TTC27: variants seen among roughly 807,000 people sequenced by gnomAD.
TTC27 encodes tetratricopeptide repeat domain 27, also known as tetratricopeptide repeat protein 27.
A neutral mutation model predicts 115.9 loss-of-function variants in TTC27; 79 were observed. That is an observed-to-expected ratio of 0.68 (90% CI 0.57 to 0.82). The LOEUF (loss-of-function observed/expected upper bound fraction) is 0.82, where lower values mean the gene tolerates loss of function less well. Among genes scored for constraint, TTC27 ranks in the 40% least tolerant of loss-of-function variants. The pLI is 0.00. For synonymous variants in TTC27, 401 were observed against 356.0 expected (o/e 1.13, Z -1.42); for missense variants, 1,054 against 993.1 (o/e 1.06, Z -0.82).
intron 18 of TTC27, among the ~76,000 whole-genome samples, chr2:32,814,485 C>A (rs1037627): frequency 0.64 from 96,855 of 152,024 alleles, 31,513 homozygotes; most frequent in African/African-American, 0.76. Flanking sequence ...ACTTTTGTAC[C>A]TTAGTGCAGA....
rs10710939 is a variant in TTC27 at position 32,678,253 on chromosome 2, C to CAA, written c.1053-584_1053-583dup. Among the ~76,000 whole-genome samples, 791 of 99,072 alleles carry CAA rather than the reference C, an allele frequency of 8.0e-3. 11 individuals carry two copies. Among genetic ancestry groups the CAA allele is most frequent in the African/African-American group, 0.029 (755 of 25,678 alleles). The allele number at this position is 99,072 out of a possible 152,430, so 65.0% of individuals were successfully genotyped here. A position where few individuals can be genotyped will look rare whatever the true frequency, so the allele number is the denominator to read the frequency against. On this transcript the variant is annotated intron_variant, in intron 8 of 19. Coordinates refer to ENST00000317907, the MANE Select transcript of TTC27 (RefSeq NM_017735.5). ...CTGGGTGACACAGTGAGCCCTGTCT[C>CAA]AAAAAAAAAAAAAAAAAAAAGATAA...
chr2:32,812,715 T>A lies in TTC27; in HGVS notation c.2308+100T>A, dbSNP rs1671358931. On this transcript the variant is annotated intron_variant, in intron 18 of 19. Transcript: ENST00000317907. ...AAGTAAAGTTCCATTATAAATAGTA[T>A]CAAATTATTTCATTATATTGACATT... 3.7e-6 allele frequency: 3 copies of A among 811,812 alleles called. No homozygotes were observed. The South Asian group carries it at 5.0e-5, about 14-fold the overall frequency. 50.3% of individuals were successfully genotyped at this position (811,812 alleles called of 1,614,324 possible).
intron 10 of TTC27, among the ~76,000 whole-genome samples, chr2:32,733,620 T>C (rs1257428853): frequency 6.6e-6 from 1 of 152,248 alleles, no homozygotes; most frequent in Non-Finnish European, 1.5e-5. Flanking sequence ...AAGTTTTTAA[T>C]GTACATGTTT....
At position 32,742,101 on chromosome 2, in the gene TTC27, A is replaced by G. The variant is rs184322369; in HGVS notation, c.1452+5285A>G. 1.3e-5 allele frequency among the ~76,000 whole-genome samples: 2 copies of G among 152,334 alleles called. 1 individual carries two copies. The highest frequency in any genetic ancestry group is 1.3e-4 in the Admixed American group (2 of 15,296). ...ATATGCTATTCATAACAACCCACAA[A>G]ATATGGATTGTTTTCATCACTTTAC... On this transcript the variant is annotated intron_variant, in intron 12 of 19. Transcript: ENST00000317907.
intron 5 of TTC27, among the ~76,000 whole-genome samples, 162 bp downstream of exon 5, chr2:32,650,395 G>A (rs192536500): frequency 7.5e-4 from 75 of 99,768 alleles, no homozygotes; most frequent in Non-Finnish European, 1.3e-3. Flanking sequence ...ATCACAAGTT[G>A]TTATGTTGTC....
chr2:32,736,602 C>A, intron 11 of TTC27, 92 bp from the exon 12 acceptor site: 1 of 1,390,066 alleles, frequency 7.2e-7, no homozygotes, highest in Middle Eastern at 2.0e-4. Context: ...ATAAGCAGAC[C>A]CCTAAAAAGG....
At chr2:32,759,681 T>C (rs975628916) in intron 13 of TTC27, among the ~76,000 whole-genome samples, 4 of 152,212 alleles carry the variant, frequency 2.6e-5, no homozygotes, top group African/African-American at 7.2e-5. Context: ...AACTTTTTCA[T>C]CCTGTAAAAC....
At chr2:32,766,549 A>T in intron 13 of TTC27, 1 of 394,964 alleles carries the variant, frequency 2.5e-6, no homozygotes, top group Non-Finnish European at 5.2e-6. Context: ...AGCATTTATC[A>T]GTTAAGTTCA....
At chr2:32,640,721 G>C (rs1276102639) in intron 4 of TTC27, among the ~76,000 whole-genome samples, 1 of 152,048 alleles carries the variant, frequency 6.6e-6, no homozygotes, top group African/African-American at 2.4e-5. Flanking sequence ...GGTGGCTCAC[G>C]TCTGTAATCC....
At chr2:32,705,199 C>G (rs1280530139) in intron 10 of TTC27, among the ~76,000 whole-genome samples, 1 of 152,160 alleles carries the variant, frequency 6.6e-6, no homozygotes. Flanking sequence ...CCTGGCTTCT[C>G]TTTTGTTTCC....
In TTC27 at chr2:32,665,014, T is replaced by TA. The variant is rs572822761; in HGVS notation, c.805+547_805+548insA. Among the ~76,000 whole-genome samples, 572 of 151,940 alleles carry TA rather than the reference T, an allele frequency of 3.8e-3. 5 individuals are homozygous for TA. Among genetic ancestry groups the TA allele is most frequent in the African/African-American group, 0.013 (537 of 41,434 alleles). On this transcript the variant is annotated intron_variant, in intron 6 of 19. Transcript: ENST00000317907. Reference sequence around the variant, plus strand: ...CGCCTGGCTAATTTTTTTTATTTTTTTTTTGTATTTTTAGTAGGGATGTGG... The same window carrying TA: ...CGCCTGGCTAATTTTTTTTATTTTTTATTTTGTATTTTTAGTAGGGATGTGG...
chr2:32,689,830 A>C (rs1347087044), intron 9 of TTC27, among the ~76,000 whole-genome samples: 3 of 152,232 alleles, frequency 2.0e-5, no homozygotes, highest in Non-Finnish European at 4.4e-5. Context: ...AGAATAGCAT[A>C]GGTAATTGAA....
At chr2:32,645,348 C>G (rs1008962664) in intron 4 of TTC27, among the ~76,000 whole-genome samples, 19 of 152,084 alleles carry the variant, frequency 1.2e-4, no homozygotes, top group Admixed American at 5.9e-4. Flanking sequence ...GATAAACTGG[C>G]AAATATTTAT....
rs761299878 is a variant in TTC27, at chr2:32,758,539, C to CCTG, written c.1680+26_1680+28dup. On this transcript the variant is annotated intron_variant, in intron 13 of 19. Transcript: ENST00000317907. ...ATGCAGGTTAGACAACTCATAACCC[C>CCTG]CTGCTGCTCTCAGCGCTTGTGCTGT... 6.9e-6 allele frequency: 11 copies of CCTG among 1,605,246 alleles called. No homozygotes were observed. The highest frequency in any genetic ancestry group is 9.4e-6 in the Non-Finnish European group (11 of 1,172,306).
intron 12 of TTC27, among the ~76,000 whole-genome samples, chr2:32,740,501 TC>T (rs1216856628): frequency 6.6e-6 from 1 of 151,972 alleles, no homozygotes; most frequent in Non-Finnish European, 1.5e-5. Flanking sequence ...TAAAAGATTT[TC>T]CCAGAAGTTC....
chr2:32,716,035 G>T (rs1039788018), intron 10 of TTC27, among the ~76,000 whole-genome samples: 2 of 152,098 alleles, frequency 1.3e-5, no homozygotes, highest in Admixed American at 1.3e-4. Context: ...GAAGTGGAAA[G>T]TAAAAAACAA....
At chr2:32,693,468 C>T (rs2151896127) in intron 9 of TTC27, among the ~76,000 whole-genome samples, 1 of 152,288 alleles carries the variant, frequency 6.6e-6, no homozygotes, top group Non-Finnish European at 1.5e-5. Flanking sequence ...TTTTTATGCT[C>T]TTTAAAAACA....
chr2:32,721,960 G>A (rs921811023), intron 10 of TTC27, among the ~76,000 whole-genome samples: 4 of 152,172 alleles, frequency 2.6e-5, no homozygotes, highest in African/African-American at 9.7e-5. Flanking sequence ...TGGCTGTCAA[G>A]CCTACCTCAT....
chr2:32,628,520 T>C (rs1572452111), intron 1 of TTC27, 140 bp downstream of exon 1: 3 of 838,350 alleles, frequency 3.6e-6, no homozygotes, highest in Non-Finnish European at 5.2e-6. Flanking sequence ...TCGTTTAGTC[T>C]TTGACATGGT....
Sources: gnomAD v4.1 joint callset for allele counts (sites outside exome capture counted in the v4.1 genomes callset) on GRCh38, gnomAD v4.1.1 for gene constraint, MANE v1.5 for transcripts, NCBI Gene and HGNC (gene_info 2026-07-23, HGNC 2026-07-21) for gene names.